The following R3HDM1 variants were observed in gnomAD, a reference collection of about 807,000 sequenced individuals.
R3HDM1 encodes R3H domain containing 1.
In R3HDM1, 46 loss-of-function variants were observed where a neutral mutation model predicts 141.1. That is an observed-to-expected ratio of 0.33 (90% CI 0.26 to 0.42). The LOEUF (loss-of-function observed/expected upper bound fraction) is 0.42, where lower values mean the gene tolerates loss of function less well. Among genes scored for constraint, R3HDM1 ranks in the 10% least tolerant of loss-of-function variants. R3HDM1 has a pLI of 1.00. For missense variants in R3HDM1, 1,184 were observed against 1,368.3 expected, an observed-to-expected ratio of 0.87 and a Z score of 2.12; for synonymous variants, 435 against 472.9, an observed-to-expected ratio of 0.92 and a Z score of 1.04.
At chr2:135,659,259 G>T (rs1465326947) in intron 18 of R3HDM1, among the ~76,000 whole-genome samples, 1 of 151,788 alleles carries the variant, frequency 6.6e-6, no homozygotes, top group Non-Finnish European at 1.5e-5. Flanking sequence ...ATCACACCTG[G>T]CTAATTTTTG....
chr2:135,540,541 T>C (rs1264111108), intron 1 of R3HDM1, among the ~76,000 whole-genome samples: 1 of 152,206 alleles, frequency 6.6e-6, no homozygotes, highest in Non-Finnish European at 1.5e-5. Flanking sequence ...TTCTCCCACC[T>C]CAGTGCTGGT....
At chr2:135,591,253 G>A (rs1001130248) in intron 1 of R3HDM1, among the ~76,000 whole-genome samples, 1 of 152,092 alleles carries the variant, frequency 6.6e-6, no homozygotes, top group Non-Finnish European at 1.5e-5. Flanking sequence ...ACCTGTAAAG[G>A]ATTTTCATTG....
At chr2:135,637,425 G>A (rs1417920715) in intron 11 of R3HDM1, among the ~76,000 whole-genome samples, 4 of 152,146 alleles carry the variant, frequency 2.6e-5, no homozygotes, top group Non-Finnish European at 1.5e-5. Context: ...GAGCACTGAG[G>A]TGGGTGGATC....
intron 5 of R3HDM1, among the ~76,000 whole-genome samples, chr2:135,617,219 C>T (rs746529502): frequency 3.3e-5 from 5 of 151,756 alleles, no homozygotes; most frequent in African/African-American, 4.8e-5. Flanking sequence ...CCCAGCTACT[C>T]GGGAGGCTGA....
At chr2:135,653,264 G>A (rs766250844) in intron 18 of R3HDM1, among the ~76,000 whole-genome samples, 1 of 152,124 alleles carries the variant, frequency 6.6e-6, no homozygotes. Context: ...GCTGAGGCAG[G>A]AGAATCACTT....
chr2:135,668,446 G>GA, intron 19 of R3HDM1, among the ~76,000 whole-genome samples: 1 of 152,138 alleles, frequency 6.6e-6, no homozygotes, highest in East Asian at 1.9e-4. Context: ...ATGATTTCTG[G>GA]AAAAAACATT....
Position 135,724,282 on chromosome 2 carries a change from G to A in R3HDM1, c.3395G>A (p.Ser1132Asn). 6.2e-7 allele frequency: 1 copy of A among 1,608,392 alleles called. No homozygotes were observed. Among genetic ancestry groups the A allele is most frequent in the Non-Finnish European group, 8.5e-7 (1 of 1,176,142 alleles). The change falls in exon 27 of 27, where the codon AGT becomes AAT. Residue 1132 changes from serine (S) to asparagine (N), a missense_variant. Ser to Asn is a conservative substitution (Grantham distance 46, BLOSUM62 1). Transcript: ENST00000683871. Reference sequence around the variant, plus strand: ...GACTTTCACATTTTGGAAAGGGCAAGTTCTCAGTAACAGCCACCTTTGGAC... The same window carrying A: ...GACTTTCACATTTTGGAAAGGGCAAATTCTCAGTAACAGCCACCTTTGGAC... The part of the protein sequence containing the change: ...HYDFHILERA[S>N]SQ
At chr2:135,565,621 C>G (rs935970793) in intron 1 of R3HDM1, 3 of 151,890 alleles carry the variant, frequency 2.0e-5, no homozygotes, top group Admixed American at 6.6e-5. Context: ...TCATCTTTTT[C>G]TTCTTTACTT....
At chr2:135,711,155 T>C (rs1343182806) in intron 23 of R3HDM1, among the ~76,000 whole-genome samples, 1 of 152,188 alleles carries the variant, frequency 6.6e-6, no homozygotes, top group Non-Finnish European at 1.5e-5. Context: ...TTCAAGCCTC[T>C]AACCCTAGCT....
At chr2:135,680,371 C>G in intron 21 of R3HDM1, 47 bp downstream of exon 21, 1 of 1,597,312 alleles carries the variant, frequency 6.3e-7, no homozygotes, top group Non-Finnish European at 8.6e-7. Context: ...CATTGTTTAC[C>G]AGGATTATGG....
In R3HDM1 at chr2:135,641,919, A is replaced by G. The variant is rs550695714; in HGVS notation, c.1474+129A>G. 8.4e-6 allele frequency: 10 copies of G among 1,194,210 alleles called. No homozygotes were observed. In the African/African-American group the frequency reaches 1.4e-4, roughly 17 times the overall value. 74.0% of individuals were successfully genotyped at this position (1,194,210 alleles called of 1,614,324 possible). The stretch of plus-strand genomic sequence containing the variant: ...ATAATTAACATTTTCCAAGAACTTT[A>G]TAACAAAAACACTTAATGCTAGGGA... On this transcript the variant is annotated intron_variant, in intron 15 of 26. Transcript: ENST00000683871.
intron 23 of R3HDM1, among the ~76,000 whole-genome samples, chr2:135,710,668 G>A (rs61187091): frequency 0.18 from 27,454 of 151,844 alleles, 3,047 homozygotes; most frequent in East Asian, 0.44. Flanking sequence ...AAAGACGGAG[G>A]AAAAAAAGAA....
At chr2:135,534,385 C>T (rs540094522) in intron 1 of R3HDM1, among the ~76,000 whole-genome samples, 3 of 152,300 alleles carry the variant, frequency 2.0e-5, no homozygotes, top group African/African-American at 7.2e-5. Context: ...TATGTGACTA[C>T]AGTTTTGTTG....
chr2:135,680,802 A>G (rs2070163526), intron 21 of R3HDM1, among the ~76,000 whole-genome samples: 2 of 152,208 alleles, frequency 1.3e-5, no homozygotes, highest in Non-Finnish European at 2.9e-5. Context: ...TTCTTTCAGT[A>G]AAATCAGTAC....
intron 1 of R3HDM1, among the ~76,000 whole-genome samples, chr2:135,593,823 C>A (rs1289909232): frequency 6.6e-6 from 1 of 152,174 alleles, no homozygotes; most frequent in Non-Finnish European, 1.5e-5. Context: ...CAGGTTCAAG[C>A]GATTCTCATG....
At chr2:135,556,321 T>C (rs1004824367) in intron 1 of R3HDM1, among the ~76,000 whole-genome samples, 2 of 152,122 alleles carry the variant, frequency 1.3e-5, no homozygotes, top group African/African-American at 2.4e-5. Flanking sequence ...ACTCCGAATA[T>C]ACAAAAGCCA....
At chr2:135,647,794 C>T (rs1007124024) in intron 16 of R3HDM1, among the ~76,000 whole-genome samples, 3 of 152,186 alleles carry the variant, frequency 2.0e-5, no homozygotes, top group Non-Finnish European at 4.4e-5. Context: ...AAACCAATTA[C>T]TTTAGGTGGA....
At chr2:135,643,310 C>T (rs1180809152) in intron 15 of R3HDM1, among the ~76,000 whole-genome samples, 1 of 151,820 alleles carries the variant, frequency 6.6e-6, no homozygotes, top group Non-Finnish European at 1.5e-5. Context: ...TATCAGTATA[C>T]TAATTGATTA....
chr2:135,603,989 C>G (rs2059839298), intron 2 of R3HDM1, among the ~76,000 whole-genome samples: 1 of 152,092 alleles, frequency 6.6e-6, no homozygotes, highest in Non-Finnish European at 1.5e-5. Flanking sequence ...TAATCCAGTG[C>G]AAAACCAGTG....
Sources: gnomAD v4.1 joint callset for allele counts (sites outside exome capture counted in the v4.1 genomes callset) on GRCh38, gnomAD v4.1.1 for gene constraint, MANE v1.5 for transcripts, NCBI Gene and HGNC (gene_info 2026-07-23, HGNC 2026-07-21) for gene names.